AFM: variants seen among roughly 807,000 people sequenced by gnomAD.
AFM encodes the protein alpha-Alb.
AFM carries 82 observed loss-of-function variants against 68.7 expected under a neutral mutation model. The ratio of observed to expected loss-of-function variants is 1.19; its 90% CI spans 1.00 to 1.43. The LOEUF (loss-of-function observed/expected upper bound fraction) is 1.43. Among genes scored for constraint, AFM ranks in the 40% most tolerant of loss-of-function variants. The pLI, the probability that AFM is intolerant of heterozygous loss-of-function variation, is 0.00. For synonymous variants in AFM, 250 were observed against 234.2 expected (o/e 1.07, Z -0.61); for missense variants, 772 against 701.8 (o/e 1.10, Z -1.13).
intron 14 of AFM, among the ~76,000 whole-genome samples, chr4:73,503,471 A>G (rs946802415): frequency 1.3e-5 from 2 of 152,120 alleles, no homozygotes; most frequent in Non-Finnish European, 2.9e-5. Context: ...CTCCCTGGGG[A>G]CTGAGGTGGG....
intron 14 of AFM, among the ~76,000 whole-genome samples, 179 bp downstream of exon 14, chr4:73,503,289 T>C (rs1721468342): frequency 6.6e-6 from 1 of 152,094 alleles, no homozygotes; most frequent in African/African-American, 2.4e-5. Flanking sequence ...AGCCACTCCT[T>C]ATGGGGTGGC....
chr4:73,482,380 G>A (rs1720739898), intron 1 of AFM, among the ~76,000 whole-genome samples: 2 of 152,164 alleles, frequency 1.3e-5, no homozygotes, highest in Non-Finnish European at 2.9e-5. Flanking sequence ...TCCATCCAAA[G>A]GGGAAATATT....
At chr4:73,490,634 G>T (rs183606482) in intron 7 of AFM, among the ~76,000 whole-genome samples, 34 of 152,048 alleles carry the variant, frequency 2.2e-4, no homozygotes, top group African/African-American at 6.5e-4. Flanking sequence ...TATTAGCCAG[G>T]ATGTATGTTT....
At chr4:73,483,303 T>C (rs4301076) in intron 1 of AFM, among the ~76,000 whole-genome samples, 138,490 of 152,216 alleles carry the variant, frequency 0.91, 64,447 homozygotes, top group East Asian at 1. Context: ...GAGTAACTTC[T>C]ATTAGAGAGC....
chr4:73,491,770 T>G, intron 7 of AFM, 102 bp from the exon 8 acceptor site: 1 of 968,996 alleles, frequency 1.0e-6, no homozygotes, highest in Non-Finnish European at 1.6e-6. Context: ...GATGAAGTGA[T>G]TCCAGATGCT....
At chr4:73,488,553 A>G (rs966756019) in intron 6 of AFM, 77 bp from the exon 7 acceptor site, 1 of 1,330,318 alleles carries the variant, frequency 7.5e-7, no homozygotes, top group Non-Finnish European at 1.0e-6. Context: ...AGCTATTCAT[A>G]TCATATTAGC....
At chr4:73,492,858 G>A (rs192003509) in intron 8 of AFM, among the ~76,000 whole-genome samples, 5 of 150,102 alleles carry the variant, frequency 3.3e-5, no homozygotes, top group Non-Finnish European at 7.4e-5. Context: ...ATAATCCAGG[G>A]ACTTTACTGT....
In AFM at chr4:73,485,944, A is replaced by T. The variant is rs1720889591; in HGVS notation, c.353A>T (p.Asp118Val). Residue 118 changes from aspartate to valine, a missense_variant, in exon 4 of 15, where the codon GAT becomes GTT. By Grantham distance (152) the Asp-to-Val change is radical (BLOSUM62 -3). Coordinates refer to ENST00000226355, the MANE Select transcript of AFM (RefSeq NM_001133.2). The part of the protein sequence containing the change: ...HNFSHCCSKV[D>V]AQRRLCFFYN... Reference sequence around the variant, plus strand: ...TTCTCACACTGCTGCAGTAAGGTTGATGCTCAAAGAAGACTCTGTTTCTTC... The same window carrying T: ...TTCTCACACTGCTGCAGTAAGGTTGTTGCTCAAAGAAGACTCTGTTTCTTC... 6.2e-7 allele frequency: 1 copy of T among 1,614,146 alleles called. No individual in the cohort carries two copies. The highest frequency in any genetic ancestry group is 2.2e-5 in the East Asian group (1 of 44,880).
intron 11 of AFM, among the ~76,000 whole-genome samples, chr4:73,499,481 T>C (rs1216722487): frequency 1.3e-5 from 2 of 152,190 alleles, no homozygotes; most frequent in Non-Finnish European, 2.9e-5. Context: ...ATTTCTTCAT[T>C]GTATTAGAAG....
At chr4:73,487,275 G>A (rs1015399163) in intron 5 of AFM, among the ~76,000 whole-genome samples, 176 bp downstream of exon 5, 9 of 152,130 alleles carry the variant, frequency 5.9e-5, no homozygotes, top group African/African-American at 1.9e-4. Context: ...CTCTTTACTT[G>A]AGACTCTTGA....
rs1177915551 is a variant in AFM at position 73,499,942 on chromosome 4, AT to A, written c.1423-57del. 7.4e-5 allele frequency: 104 copies of A among 1,408,578 alleles called. No individual in the cohort carries two copies. The South Asian group carries it at 1.0e-3, about 14-fold the overall frequency. The allele number at this position is 1,408,578 out of a possible 1,614,324, so 87.3% of individuals were successfully genotyped here. On this transcript the variant is annotated intron_variant, in intron 11 of 14. Transcript: ENST00000226355. The stretch of plus-strand genomic sequence containing the variant: ...AAGATCTAAGTATTCATCTAACCAT[AT>A]TTTTAGAAATTCCATTCAAGTTTTA...
Position 73,485,957 on chromosome 4 carries a change from ACT to A in AFM, c.369_370del (p.Cys124PhefsTer4), listed in dbSNP as rs757742063. On this transcript the variant is annotated frameshift_variant, in exon 4 of 15. Coordinates refer to ENST00000226355, the MANE Select transcript of AFM (RefSeq NM_001133.2). LOFTEE classifies it high-confidence loss of function. ...GCAGTAAGGTTGATGCTCAAAGAAG[ACT>A]CTGTTTCTTCTATAACAAGAAATCT... ...CCSKVDAQRR[L>X]CFFYNKKSDV... The A allele has an allele frequency of 5.0e-6, 8 of 1,613,570 alleles. No homozygotes were observed. Among genetic ancestry groups the A allele is most frequent in the Admixed American group, 1.7e-5 (1 of 59,930 alleles).
chr4:73,502,825 G>A (rs1043176252), intron 13 of AFM, among the ~76,000 whole-genome samples: 11 of 152,268 alleles, frequency 7.2e-5, no homozygotes, highest in Middle Eastern at 6.8e-3. Context: ...ATCTGAGTGA[G>A]TGTGTACATT....
At chr4:73,485,809 G>A in intron 3 of AFM, 53 bp from the exon 4 acceptor site, 1 of 1,441,968 alleles carries the variant, frequency 6.9e-7, no homozygotes. Context: ...AGTGAGTACA[G>A]AAGCTTTACT....
chr4:73,496,181 G>C (rs546409523), intron 9 of AFM, among the ~76,000 whole-genome samples: 12 of 152,320 alleles, frequency 7.9e-5, no homozygotes, highest in African/African-American at 2.4e-4. Context: ...CAGAAGGGCT[G>C]TGTTCCCTCT....
chr4:73,497,574 C>T lies in AFM; in HGVS notation c.1192-78C>T, dbSNP rs186127057. ...GAAAATACCATAGAAATAAGAAATG[C>T]TATTCTACACATTGATGTAAAGCTT... is the stretch of plus-strand genomic sequence containing the variant. On this transcript the variant is annotated intron_variant, in intron 9 of 14. Transcript: ENST00000226355. 160 of 831,968 alleles carry T rather than the reference C, an allele frequency of 1.9e-4. No homozygotes were observed. The African/African-American group carries it at 2.5e-3, about 13-fold the overall frequency. 51.5% of individuals were successfully genotyped at this position (831,968 alleles called of 1,614,324 possible). A position where few individuals can be genotyped will look rare whatever the true frequency, so the allele number is the denominator to read the frequency against.
At position 73,497,686 on chromosome 4, in the gene AFM, T is replaced by A. The variant is rs1281342510; in HGVS notation, c.1226T>A (p.Leu409His). Residue 409 changes from leucine (L) to histidine (H), a missense_variant, in exon 10 of 15, where the codon CTC becomes CAC. Coordinates refer to ENST00000226355, the MANE Select transcript of AFM (RefSeq NM_001133.2). ...DKFNETTEKS[L>H]KMVQQECKHF... ...TTCAATGAGACAACTGAGAAAAGCC[T>A]CAAGATGGTACAACAAGAATGTAAA... The A allele has an allele frequency of 6.2e-7, 1 of 1,610,138 alleles. No homozygotes were observed. The highest frequency in any genetic ancestry group is 1.3e-5 in the African/African-American group (1 of 74,722).
At chr4:73,490,204 G>T (rs981561371) in intron 7 of AFM, among the ~76,000 whole-genome samples, 2 of 143,680 alleles carry the variant, frequency 1.4e-5, no homozygotes, top group Admixed American at 1.4e-4. Flanking sequence ...AAAAAAAAAA[G>T]AAAGAAAGAA....
chr4:73,485,863 A>G lies in AFM; in HGVS notation c.272A>G (p.Asn91Ser). 3 of 1,613,166 alleles carry G rather than the reference A, an allele frequency of 1.9e-6. No individual in the cohort carries two copies. Among genetic ancestry groups the G allele is most frequent in the Admixed American group, 3.3e-5 (2 of 59,974 alleles). ...GTCCTTTTCTTCTCTGTTGTATAGAATAATGTTTTACAGGAAAAAATATGT... is the reference window on the plus strand; with the variant it reads ...GTCCTTTTCTTCTCTGTTGTATAGAGTAATGTTTTACAGGAAAAAATATGT... ...KTLPECSKLP[N>S]NVLQEKICAM... The change falls in exon 4 of 15, where the codon AAT becomes AGT. Residue 91 changes from asparagine to serine, a missense_variant and splice_region_variant. Transcript: ENST00000226355.
Sources: allele counts gnomAD v4.1 joint callset (sites outside exome capture counted in the v4.1 genomes callset), GRCh38; gene constraint gnomAD v4.1.1; transcripts MANE v1.5; gene names NCBI Gene and HGNC (gene_info 2026-07-23, HGNC 2026-07-21).